Variants in ARHGEF33 observed in about 807,000 individuals in gnomAD.
ARHGEF33 encodes the protein DH and coiled-coil domain-containing protein ENSP00000381780.
ARHGEF33 carries 72 observed loss-of-function variants against 101.9 expected under a neutral mutation model. That is an observed-to-expected ratio of 0.71 (90% CI 0.58 to 0.86). The LOEUF is 0.86. ARHGEF33 is among the 40% of genes least tolerant of loss of function. The pLI, the probability that ARHGEF33 is intolerant of heterozygous loss-of-function variation, is 0.00. For missense variants in ARHGEF33, 1,169 were observed against 1,111.3 expected (o/e 1.05, Z -0.74); for synonymous variants, 499 against 442.5 (o/e 1.13, Z -1.60).
intron 16 of ARHGEF33, among the ~76,000 whole-genome samples, chr2:38,965,410 G>A (rs975382416): frequency 6.6e-6 from 1 of 152,036 alleles, no homozygotes; most frequent in Admixed American, 6.6e-5. Context: ...AAATAGCATG[G>A]GTTAAGAATT....
intron 4 of ARHGEF33, among the ~76,000 whole-genome samples, chr2:38,921,970 T>C (rs1452581861): frequency 1.3e-5 from 2 of 152,188 alleles, no homozygotes; most frequent in Non-Finnish European, 2.9e-5. Flanking sequence ...GGAAAAACTT[T>C]CAAGCTCTTT....
At chr2:38,910,439 G>A (rs887131267) in intron 2 of ARHGEF33, among the ~76,000 whole-genome samples, 3 of 152,238 alleles carry the variant, frequency 2.0e-5, no homozygotes, top group East Asian at 1.9e-4. Context: ...TGGGTGTGGC[G>A]GCTTGTGCCT....
chr2:38,939,586 A>G (rs1367251279), intron 9 of ARHGEF33, among the ~76,000 whole-genome samples: 1 of 152,200 alleles, frequency 6.6e-6, no homozygotes, highest in Admixed American at 6.5e-5. Context: ...GATTATTAGT[A>G]TTAAGTATGT....
At chr2:38,929,193 G>C in intron 5 of ARHGEF33, 122 bp downstream of exon 5, 1 of 636,686 alleles carries the variant, frequency 1.6e-6, no homozygotes, top group Non-Finnish European at 2.6e-6. Flanking sequence ...CACTTTGGGA[G>C]GCCGAGGCAG....
At chr2:38,907,133 C>T (rs1430029839) in intron 2 of ARHGEF33, among the ~76,000 whole-genome samples, 1 of 152,108 alleles carries the variant, frequency 6.6e-6, no homozygotes, top group Non-Finnish European at 1.5e-5. Flanking sequence ...TGCCTAAGGC[C>T]TGTGAGTGGA....
At position 38,935,835 on chromosome 2, in the gene ARHGEF33, G is replaced by A; in HGVS notation, c.565+1G>A. The A allele has an allele frequency of 1.9e-6, 3 of 1,549,304 alleles. No homozygotes were observed. ...AATGTAAAAGGAATGATGGGTCCTGGTAAGTGACTCTTCTCTTAGTTTTCT... is the reference window on the plus strand; with the variant it reads ...AATGTAAAAGGAATGATGGGTCCTGATAAGTGACTCTTCTCTTAGTTTTCT... On this transcript the variant is annotated splice_donor_variant, in intron 8 of 17. Coordinates refer to ENST00000409978, the MANE Select transcript of ARHGEF33 (RefSeq NM_001145451.5). LOFTEE classifies it high-confidence loss of function.
chr2:38,945,309 G>T (rs575073517), intron 10 of ARHGEF33, among the ~76,000 whole-genome samples: 2 of 152,140 alleles, frequency 1.3e-5, no homozygotes, highest in Non-Finnish European at 2.9e-5. Flanking sequence ...AACACACGCT[G>T]CCCTCCTACC....
In ARHGEF33 at chr2:38,960,309, G is replaced by A. The variant is rs748102871; in HGVS notation, c.2004G>A (p.Arg668=). The A allele has an allele frequency of 1.9e-5, 30 of 1,544,240 alleles. No homozygotes were observed. The highest frequency in any genetic ancestry group is 2.6e-5 in the Non-Finnish European group (30 of 1,145,928). Residue 668 remains arginine (R), a synonymous_variant, in exon 16 of 18, where the codon CGG becomes CGA. Transcript: ENST00000409978. ...TCAGCTTCGCCATGGAGGCCGAGCG[G>A]CCGGAGCACCCGCTGCAGCCGCTGC... ...RPVSFAMEAE[R]PEHPLQPLPK... is the part of the protein sequence containing the mutation.
chr2:38,921,142 C>T (rs941416842), intron 3 of ARHGEF33, among the ~76,000 whole-genome samples: 1 of 152,152 alleles, frequency 6.6e-6, no homozygotes, highest in Non-Finnish European at 1.5e-5. Context: ...TGTAGTAGAA[C>T]GTGGTTTTCT....
chr2:38,935,673 A>G, intron 7 of ARHGEF33, 102 bp from the exon 8 acceptor site: 3 of 873,748 alleles, frequency 3.4e-6, no homozygotes, highest in Non-Finnish European at 5.4e-6. Flanking sequence ...CTCCCCCATG[A>G]AACTACAATC....
At position 38,937,398 on chromosome 2, in the gene ARHGEF33, A is replaced by T; in HGVS notation, c.629A>T (p.Gln210Leu). 1 of 1,496,844 alleles carries T rather than the reference A, an allele frequency of 6.7e-7. No individual in the cohort carries two copies. Among genetic ancestry groups the T allele is most frequent in the Non-Finnish European group, 8.9e-7 (1 of 1,117,328 alleles). 92.7% of individuals were successfully genotyped at this position (1,496,844 alleles called of 1,614,324 possible). Residue 210 changes from glutamine to leucine, a missense_variant, in exon 9 of 18, where the codon CAG (glutamine) becomes CTG (leucine). Gln to Leu is a moderately radical substitution (Grantham distance 113). Transcript: ENST00000409978. ...AAGTCTTGCCTCTCGGCTGATATCCAGTCCAAGGGCCATCTCCCATCTGGC... is the reference window on the plus strand; with the variant it reads ...AAGTCTTGCCTCTCGGCTGATATCCTGTCCAAGGGCCATCTCCCATCTGGC... The part of the protein sequence containing the change: ...NLKSCLSADI[Q>L]SKGHLPSGMW...
chr2:38,946,695 G>A (rs577458575), intron 10 of ARHGEF33, among the ~76,000 whole-genome samples: 3 of 151,946 alleles, frequency 2.0e-5, no homozygotes, highest in South Asian at 2.1e-4. Flanking sequence ...GCATTATCTC[G>A]GCTCACTGTA....
intron 4 of ARHGEF33, 84 bp downstream of exon 4, chr2:38,921,507 T>TTGTGAGTGCTAAAAA: frequency 1.1e-6 from 1 of 927,512 alleles, no homozygotes; most frequent in Non-Finnish European, 1.7e-6. Context: ...TTTTTAGCAC[T>TTGTGAGTGCTAAAAA]CACAAGTGCT....
chr2:38,968,261 G>C (rs971250055), intron 17 of ARHGEF33, among the ~76,000 whole-genome samples: 5 of 152,120 alleles, frequency 3.3e-5, no homozygotes, highest in Non-Finnish European at 5.9e-5. Flanking sequence ...TGGATTCATG[G>C]GATGCCTCTG....
chr2:38,964,657 G>A (rs1455985252), intron 16 of ARHGEF33, among the ~76,000 whole-genome samples: 1 of 151,722 alleles, frequency 6.6e-6, no homozygotes, highest in Non-Finnish European at 1.5e-5. Flanking sequence ...AGGTAGTAAT[G>A]CAGGCAATGG....
intron 4 of ARHGEF33, chr2:38,928,706 C>T (rs1318703592): frequency 4.8e-6 from 2 of 412,628 alleles, no homozygotes; most frequent in South Asian, 5.7e-5. Context: ...TCAGCATATG[C>T]TATATATAAA....
At chr2:38,904,323 G>A (rs1303348232) in intron 2 of ARHGEF33, among the ~76,000 whole-genome samples, 1 of 152,176 alleles carries the variant, frequency 6.6e-6, no homozygotes, top group African/African-American at 2.4e-5. Flanking sequence ...TGAGGCAGCT[G>A]GCAGGCCTCC....
intron 16 of ARHGEF33, among the ~76,000 whole-genome samples, chr2:38,963,757 T>C (rs1251735493): frequency 6.6e-6 from 1 of 152,136 alleles, no homozygotes; most frequent in Non-Finnish European, 1.5e-5. Flanking sequence ...ACCCCAGACC[T>C]ACTGAATCAG....
chr2:38,964,235 C>T (rs1305374962), intron 16 of ARHGEF33, among the ~76,000 whole-genome samples: 1 of 152,060 alleles, frequency 6.6e-6, no homozygotes, highest in Non-Finnish European at 1.5e-5. Flanking sequence ...TGATATTCTG[C>T]CTTGACTTTA....
Sources: gnomAD v4.1 joint callset for allele counts (sites outside exome capture counted in the v4.1 genomes callset) on GRCh38, gnomAD v4.1.1 for gene constraint, MANE v1.5 for transcripts, NCBI Gene and HGNC (gene_info 2026-07-23, HGNC 2026-07-21) for gene names.